The following NTM variants were observed in gnomAD, a reference collection of about 807,000 sequenced individuals.
NTM encodes neurotrimin, also known as IgLON family member 2.
NTM carries 13 observed loss-of-function variants against 42.1 expected under a neutral mutation model. The ratio of observed to expected loss-of-function variants is 0.31; its 90% CI spans 0.20 to 0.49. NTM has a LOEUF of 0.49. NTM is among the 20% of genes least tolerant of loss of function. The pLI is 0.99. For synonymous variants in NTM, 187 were observed against 179.2 expected (o/e 1.04, Z -0.35); for missense variants, 373 against 452.8 (o/e 0.82, Z 1.60).
chr11:131,506,000 A>G (rs1189782364), intron 1 of NTM, among the ~76,000 whole-genome samples: 1 of 152,074 alleles, frequency 6.6e-6, no homozygotes, highest in East Asian at 1.9e-4. Context: ...AATCATACCC[A>G]TAAGAAGCCT....
At chr11:132,014,736 G>GTTTTTTTTTTTTTT (rs146527050) in intron 2 of NTM, among the ~76,000 whole-genome samples, 5 of 84,006 alleles carry the variant, frequency 6.0e-5, no homozygotes, top group East Asian at 4.5e-4. Flanking sequence ...AGAATTACTT[G>GTTTTTTTTTTTTTT]TTTTTTTTTT....
At chr11:131,788,457 A>T (rs1179924679) in intron 1 of NTM, among the ~76,000 whole-genome samples, 1 of 152,054 alleles carries the variant, frequency 6.6e-6, no homozygotes, top group East Asian at 1.9e-4. Flanking sequence ...AATTTTAAAA[A>T]TTTATTTTAA....
At chr11:131,397,140 AC>A (rs1944652640) in intron 1 of NTM, among the ~76,000 whole-genome samples, 1 of 152,184 alleles carries the variant, frequency 6.6e-6, no homozygotes, top group Non-Finnish European at 1.5e-5. Context: ...ACAAAAGCAA[AC>A]ACAAATATAT....
chr11:132,319,012 T>C (rs1048432768), intron 7 of NTM, among the ~76,000 whole-genome samples: 1 of 151,950 alleles, frequency 6.6e-6, no homozygotes, highest in Non-Finnish European at 1.5e-5. Flanking sequence ...AACAAAGAAA[T>C]AGAAAAAGTG....
At chr11:131,400,326 C>T (rs1315793130) in intron 1 of NTM, among the ~76,000 whole-genome samples, 1 of 152,154 alleles carries the variant, frequency 6.6e-6, no homozygotes, top group Non-Finnish European at 1.5e-5. Flanking sequence ...GCTTTTATCC[C>T]TTGTGCTGAA....
Position 131,903,431 on chromosome 11 carries a change from C to T in NTM, c.83-8133C>T, listed in dbSNP as rs546185301. Among the ~76,000 whole-genome samples the T allele has an allele frequency of 3.9e-5, 6 of 152,288 alleles. No individual in the cohort carries two copies. In the East Asian group the frequency reaches 1.2e-3, roughly 29 times the overall value. Reference sequence around the variant, plus strand: ...GCGTATTTATTGAAGATTAACATTGCTGGTTGCATTGTGGGATTTTCTTTT... The same window carrying T: ...GCGTATTTATTGAAGATTAACATTGTTGGTTGCATTGTGGGATTTTCTTTT... On this transcript the variant is annotated intron_variant, in intron 1 of 8. Coordinates refer to ENST00000683400, the MANE Select transcript of NTM (RefSeq NM_001352005.2).
At chr11:132,244,212 C>G (rs1233484511) in intron 4 of NTM, among the ~76,000 whole-genome samples, 1 of 152,210 alleles carries the variant, frequency 6.6e-6, no homozygotes, top group Non-Finnish European at 1.5e-5. Context: ...CTCAGTCACC[C>G]ATCCCCAGGC....
intron 2 of NTM, among the ~76,000 whole-genome samples, chr11:132,126,510 T>C (rs978665258): frequency 1.3e-5 from 2 of 152,144 alleles, no homozygotes; most frequent in Non-Finnish European, 2.9e-5. Flanking sequence ...GCTGGCAGTG[T>C]GCGGGGACTT....
intron 1 of NTM, among the ~76,000 whole-genome samples, chr11:131,601,710 T>A (rs2060501689): frequency 6.6e-6 from 1 of 152,176 alleles, no homozygotes; most frequent in African/African-American, 2.4e-5. Context: ...TACAAGTTTC[T>A]CAAATTGAAT....
chr11:131,421,600 G>A (rs1947533201), intron 1 of NTM, among the ~76,000 whole-genome samples: 1 of 152,182 alleles, frequency 6.6e-6, no homozygotes, highest in Non-Finnish European at 1.5e-5. Context: ...AGGGCCCATG[G>A]AGGAGATGAC....
chr11:131,482,034 G>A (rs952375759), intron 1 of NTM, among the ~76,000 whole-genome samples: 2 of 152,202 alleles, frequency 1.3e-5, no homozygotes, highest in Non-Finnish European at 2.9e-5. Flanking sequence ...GTCAGGGCAG[G>A]AGGGAATTTG....
chr11:132,241,452 T>TC (rs1028777693), intron 4 of NTM, among the ~76,000 whole-genome samples: 19 of 152,010 alleles, frequency 1.2e-4, no homozygotes, highest in Middle Eastern at 3.4e-3. Context: ...TTAGTCCTCA[T>TC]CCCCCCCAGC....
At chr11:131,769,716 A>G in intron 1 of NTM, 1 of 261,804 alleles carries the variant, frequency 3.8e-6, no homozygotes, top group African/African-American at 2.3e-5. Flanking sequence ...CGGCACAGCC[A>G]GTGACTTGGA....
chr11:132,009,484 A>T (rs901992993), intron 2 of NTM, among the ~76,000 whole-genome samples: 3 of 152,200 alleles, frequency 2.0e-5, no homozygotes, highest in Admixed American at 2.0e-4. Flanking sequence ...GTGGAAAGGG[A>T]TGTCGTTTCT....
chr11:131,454,638 T>A (rs1292584895), intron 1 of NTM, among the ~76,000 whole-genome samples: 1 of 152,124 alleles, frequency 6.6e-6, no homozygotes, highest in Non-Finnish European at 1.5e-5. Context: ...AAGCACACGT[T>A]TGCCGGTGCT....
chr11:132,222,467 T>A (rs1310664325), intron 4 of NTM, among the ~76,000 whole-genome samples: 1 of 152,222 alleles, frequency 6.6e-6, no homozygotes, highest in Non-Finnish European at 1.5e-5. Context: ...TATCTGAGTC[T>A]GTTCAGTTTC....
intron 1 of NTM, among the ~76,000 whole-genome samples, chr11:131,716,810 A>G (rs1041253112): frequency 1.3e-5 from 2 of 152,124 alleles, no homozygotes; most frequent in African/African-American, 4.8e-5. Context: ...ATTTATGCTA[A>G]TACGATACTG....
At chr11:131,539,941 A>C (rs1194550086) in intron 1 of NTM, among the ~76,000 whole-genome samples, 1 of 152,084 alleles carries the variant, frequency 6.6e-6, no homozygotes, top group Admixed American at 6.6e-5. Flanking sequence ...TTAGCACTGA[A>C]AGTCTCAAAT....
chr11:131,885,321 G>C (rs1481443773), intron 1 of NTM, among the ~76,000 whole-genome samples: 1 of 152,238 alleles, frequency 6.6e-6, no homozygotes, highest in African/African-American at 2.4e-5. Flanking sequence ...CGGCATATCT[G>C]TGAGAACCAA....
Sources: allele counts gnomAD v4.1 joint callset (sites outside exome capture counted in the v4.1 genomes callset), GRCh38; gene constraint gnomAD v4.1.1; transcripts MANE v1.5; gene names NCBI Gene and HGNC (gene_info 2026-07-23, HGNC 2026-07-21).